The following GPBAR1 variants were observed in gnomAD, a reference collection of about 807,000 sequenced individuals.
The protein encoded by GPBAR1 is G-protein coupled bile acid receptor 1.
GPBAR1 carries 13 observed loss-of-function variants against 13.0 expected under a neutral mutation model. The ratio of observed to expected loss-of-function variants is 1.00; its 90% CI spans 0.65 to 1.59. GPBAR1 has a LOEUF of 1.59. Among genes scored for constraint, GPBAR1 ranks in the 40% most tolerant of loss-of-function variants. The pLI, the probability that GPBAR1 is intolerant of heterozygous loss-of-function variation, is 0.00. For synonymous variants in GPBAR1, 193 were observed against 205.2 expected (o/e 0.94, Z 0.51); for missense variants, 398 against 436.4 (o/e 0.91, Z 0.78).
At position 218,263,073 on chromosome 2, in the gene GPBAR1, C is replaced by A. The variant is rs773111690; in HGVS notation, c.349C>A (p.Pro117Thr). The change falls in exon 2 of 2, where the codon CCA becomes ACA. Residue 117 changes from proline (P) to threonine (T), a missense_variant. By Grantham distance (38) the Pro-to-Thr change is conservative. Coordinates refer to ENST00000519574, the MANE Select transcript of GPBAR1 (RefSeq NM_170699.3). The surrounding 1 kb of genome is among the most constrained non-coding windows in gnomAD (Gnocchi z 4.2). ...HGERYMAVLR[P>T]LQPPGSIRLA... ...GGAGCGCTACATGGCAGTCCTGAGG[C>A]CACTCCAGCCCCCTGGGAGCATTCG... 1 of 1,613,502 alleles carries A rather than the reference C, an allele frequency of 6.2e-7. No homozygotes were observed. The highest frequency in any genetic ancestry group is 8.5e-7 in the Non-Finnish European group (1 of 1,179,854).
chr2:218,262,690 T>G lies in GPBAR1; in HGVS notation c.-35T>G. Reference sequence around the variant, plus strand: ...CACCCCATCCTGCAGGCATGCCGGCTGCCGCTCCAGGACTCCCCTGTCCCC... The same window carrying G: ...CACCCCATCCTGCAGGCATGCCGGCGGCCGCTCCAGGACTCCCCTGTCCCC... On this transcript the variant is annotated 5_prime_UTR_variant, in exon 2 of 2. Transcript: ENST00000519574. This position sits in a 1 kb window ranked among gnomAD's most constrained non-coding sequence, Gnocchi z 5.1. The G allele has an allele frequency of 6.6e-7, 1 of 1,515,882 alleles. No homozygotes were observed. The highest frequency in any genetic ancestry group is 8.8e-7 in the Non-Finnish European group (1 of 1,134,734). 93.9% of individuals were successfully genotyped at this position (1,515,882 alleles called of 1,614,324 possible).
rs1389369951 is a variant in GPBAR1 at position 218,263,487 on chromosome 2, C to CCG, written c.765_766dup (p.Pro256ArgfsTer14). The CCG allele has an allele frequency of 6.2e-7, 1 of 1,610,048 alleles. No homozygotes were observed. Among genetic ancestry groups the CCG allele is most frequent in the Non-Finnish European group, 8.5e-7 (1 of 1,178,886 alleles). On this transcript the variant is annotated frameshift_variant, in exon 2 of 2. Coordinates refer to ENST00000519574, the MANE Select transcript of GPBAR1 (RefSeq NM_170699.3). LOFTEE classifies it high-confidence loss of function. The surrounding 1 kb of genome is among the most constrained non-coding windows in gnomAD (Gnocchi z 4.2). ...CTCAGTCCTGGCCTATGAGCAGCGC[C>CCG]CGCCACTGGGGCCTGGGACACTGTT...
Position 218,262,513 on chromosome 2 carries a change from A to C in GPBAR1, c.-45-167A>C, listed in dbSNP as rs565915956. 1 of 578,524 alleles carries C rather than the reference A, an allele frequency of 1.7e-6. No individual in the cohort carries two copies. The highest frequency in any genetic ancestry group is 3.0e-6 in the Non-Finnish European group (1 of 331,508). 35.8% of individuals were successfully genotyped at this position (578,524 alleles called of 1,614,324 possible). A position where few individuals can be genotyped will look rare whatever the true frequency, so the allele number is the denominator to read the frequency against. ...TGAATTTTCAATAGAAACCAAAGAT[A>C]GTTTTTTATATAAATGTTTAATTGG... On this transcript the variant is annotated intron_variant, in intron 1 of 1. Coordinates refer to ENST00000519574, the MANE Select transcript of GPBAR1 (RefSeq NM_170699.3). This position sits in a 1 kb window ranked among gnomAD's most constrained non-coding sequence, Gnocchi z 5.1.
In GPBAR1 at chr2:218,262,849, ACCG is replaced by A; in HGVS notation, c.131_133del (p.Arg44del). ...CTCCTAGCCCTGGGCATCGCCTGGG[ACCG>A]CCGCCTGCGCAGCCCACCTGCTGGC... is the stretch of plus-strand genomic sequence containing the variant. On this transcript the variant is annotated inframe_deletion, in exon 2 of 2. Coordinates refer to ENST00000519574, the MANE Select transcript of GPBAR1 (RefSeq NM_170699.3). This position sits in a 1 kb window ranked among gnomAD's most constrained non-coding sequence, Gnocchi z 5.1. 1 of 1,613,608 alleles carries A rather than the reference ACCG, an allele frequency of 6.2e-7. No homozygotes were observed. Among genetic ancestry groups the A allele is most frequent in the South Asian group, 1.1e-5 (1 of 91,034 alleles).
chr2:218,263,679 C>A lies in GPBAR1; in HGVS notation c.955C>A (p.Pro319Thr). The A allele has an allele frequency of 9.3e-6, 15 of 1,612,946 alleles. No homozygotes were observed. The highest frequency in any genetic ancestry group is 1.3e-5 in the Non-Finnish European group (15 of 1,179,880). ...DSPGPSIAYH[P>T]SSQSSVDLDL... ...TCCCGGCCCCAGCATTGCCTACCACCCAAGCAGCCAAAGCAGTGTCGACCT... is the reference window on the plus strand; with the variant it reads ...TCCCGGCCCCAGCATTGCCTACCACACAAGCAGCCAAAGCAGTGTCGACCT... Residue 319 changes from proline (P) to threonine (T), a missense_variant, in exon 2 of 2, where the codon CCA (proline) becomes ACA (threonine). By Grantham distance (38) the Pro-to-Thr change is conservative. Coordinates refer to ENST00000519574, the MANE Select transcript of GPBAR1 (RefSeq NM_170699.3). The surrounding 1 kb of genome is among the most constrained non-coding windows in gnomAD (Gnocchi z 4.2).
In GPBAR1 at chr2:218,263,611, A is replaced by G. The variant is rs115448647; in HGVS notation, c.887A>G (p.Gln296Arg). The G allele has an allele frequency of 8.3e-4, 1,344 of 1,612,840 alleles. 9 individuals carry two copies. The African/African-American group carries it at 0.014, about 17-fold the overall frequency. Residue 296 changes from glutamine (Q) to arginine (R), a missense_variant, in exon 2 of 2, where the codon CAA becomes CGA. Transcript: ENST00000519574. The surrounding 1 kb of genome is among the most constrained non-coding windows in gnomAD (Gnocchi z 4.2). ...RYTAPWRAAA[Q>R]RCLQGLWGRA... Reference sequence around the variant, plus strand: ...ACAGCCCCCTGGAGGGCAGCCGCCCAAAGGTGCCTGCAGGGGCTGTGGGGA... The same window carrying G: ...ACAGCCCCCTGGAGGGCAGCCGCCCGAAGGTGCCTGCAGGGGCTGTGGGGA...
At position 218,261,088 on chromosome 2, in the gene GPBAR1, C is replaced by T. The variant is rs557688105; in HGVS notation, c.-174C>T. On this transcript the variant is annotated 5_prime_UTR_variant, in exon 1 of 2. Coordinates refer to ENST00000519574, the MANE Select transcript of GPBAR1 (RefSeq NM_170699.3). ...CCCCACTGGGTGGAGACACCATGCA[C>T]TTGGTCCACTTGTGCTCTTCAGCCA... The T allele has an allele frequency of 5.3e-5, 8 of 152,356 alleles. No individual in the cohort carries two copies. In the East Asian group the frequency reaches 5.8e-4, roughly 11 times the overall value. The allele number at this position is 152,356 out of a possible 1,614,324, so 9.4% of individuals were successfully genotyped here. A position where few individuals can be genotyped will look rare whatever the true frequency, so the allele number is the denominator to read the frequency against.
chr2:218,259,987 A>C (rs535684736), upstream of GPBAR1: 1 of 152,398 alleles, frequency 6.6e-6, no homozygotes, highest in South Asian at 2.1e-4. Flanking sequence ...CCTGTGCAGC[A>C]AGAGTGTCAC....
At position 218,262,738 on chromosome 2, in the gene GPBAR1, G is replaced by A. The variant is rs750336003; in HGVS notation, c.14G>A (p.Ser5Asn). The A allele has an allele frequency of 2.5e-6, 4 of 1,595,312 alleles. No homozygotes were observed. In the South Asian group the frequency reaches 3.4e-5, roughly 13 times the overall value. Reference protein sequence around the residue: MTPNSTGEVPSPIPK... With the variant: MTPNNTGEVPSPIPK... ...CCCAGGACCAAGATGACGCCCAACA[G>A]CACTGGCGAGGTGCCCAGCCCCATT... Residue 5 changes from serine (S) to asparagine (N), a missense_variant, in exon 2 of 2, where the codon AGC becomes AAC. Coordinates refer to ENST00000519574, the MANE Select transcript of GPBAR1 (RefSeq NM_170699.3). The surrounding 1 kb of genome is among the most constrained non-coding windows in gnomAD (Gnocchi z 5.1).
In GPBAR1 at chr2:218,263,727, C is replaced by T. The variant is rs769009500; in HGVS notation, c.*10C>T. On this transcript the variant is annotated 3_prime_UTR_variant, in exon 2 of 2. Coordinates refer to ENST00000519574, the MANE Select transcript of GPBAR1 (RefSeq NM_170699.3). The surrounding 1 kb of genome is among the most constrained non-coding windows in gnomAD (Gnocchi z 4.2). The stretch of plus-strand genomic sequence containing the variant: ...CCTGGACTTGAACTAAAGGAAGGGC[C>T]TCTGCTGACTCCTACCAGAGCATCC... 1.2e-6 allele frequency: 2 copies of T among 1,612,892 alleles called. No homozygotes were observed. The highest frequency in any genetic ancestry group is 3.3e-5 in the Admixed American group (2 of 60,032).
Position 218,262,944 on chromosome 2 carries a change from C to T in GPBAR1, c.220C>T (p.Leu74=), listed in dbSNP as rs777393013. 5.0e-6 allele frequency: 8 copies of T among 1,613,816 alleles called. No homozygotes were observed. In the Admixed American group the frequency reaches 1.0e-4, roughly 20 times the overall value. ...TCTGGCATTGCCCACATTGCCAGGG[C>T]TGTGGAACCAGAGTCGCCGGGGTTA... ...TGLALPTLPG[L]WNQSRRGYWS... The change falls in exon 2 of 2, where the codon CTG becomes TTG. Residue 74 remains leucine (L), a synonymous_variant. Transcript: ENST00000519574. This position sits in a 1 kb window ranked among gnomAD's most constrained non-coding sequence, Gnocchi z 5.1.
chr2:218,261,513 GGCC>G (rs1690413828), intron 1 of GPBAR1, among the ~76,000 whole-genome samples: 1 of 152,184 alleles, frequency 6.6e-6, no homozygotes, highest in Non-Finnish European at 1.5e-5. Flanking sequence ...GAAACTGCAA[GGCC>G]TCTAGAGAGG....
chr2:218,263,525 C>T lies in GPBAR1; in HGVS notation c.801C>T (p.Ser267=), dbSNP rs763742631. 21 of 1,611,850 alleles carry T rather than the reference C, an allele frequency of 1.3e-5. No individual in the cohort carries two copies. Among genetic ancestry groups the T allele is most frequent in the East Asian group, 2.2e-5 (1 of 44,842 alleles). ...CTGGGACACTGTTGTCCCTCCTCTC[C>T]CTAGGAAGTGCCAGTGCAGCGGCAG... ...LGPGTLLSLL[S]LGSASAAAVP... is the part of the protein sequence containing the mutation. Residue 267 remains serine, a synonymous_variant, in exon 2 of 2, where the codon TCC becomes TCT. Coordinates refer to ENST00000519574, the MANE Select transcript of GPBAR1 (RefSeq NM_170699.3). The surrounding 1 kb of genome is among the most constrained non-coding windows in gnomAD (Gnocchi z 4.2).
Position 218,263,748 on chromosome 2 carries a change from C to G in GPBAR1, c.*31C>G. 6.2e-7 allele frequency: 1 copy of G among 1,612,598 alleles called. No homozygotes were observed. The highest frequency in any genetic ancestry group is 8.5e-7 in the Non-Finnish European group (1 of 1,179,588). ...GGGCCTCTGCTGACTCCTACCAGAG[C>G]ATCCGTCCAGCTCAGCCATCCAGCC... is the stretch of plus-strand genomic sequence containing the variant. On this transcript the variant is annotated 3_prime_UTR_variant, in exon 2 of 2. Coordinates refer to ENST00000519574, the MANE Select transcript of GPBAR1 (RefSeq NM_170699.3). This position sits in a 1 kb window ranked among gnomAD's most constrained non-coding sequence, Gnocchi z 4.2.
chr2:218,261,952 G>C (rs1690427490), intron 1 of GPBAR1: 1 of 153,382 alleles, frequency 6.5e-6, no homozygotes, highest in African/African-American at 2.4e-5. Context: ...CCTCTCCTCT[G>C]GGCTCAGCCT....
Position 218,263,699 on chromosome 2 carries a change from C to T in GPBAR1, c.975C>T (p.Val325=), listed in dbSNP as rs202200326. The change falls in exon 2 of 2, where the codon GTC becomes GTT. Residue 325 remains valine (V), a synonymous_variant. Transcript: ENST00000519574. The surrounding 1 kb of genome is among the most constrained non-coding windows in gnomAD (Gnocchi z 4.2). The stretch of plus-strand genomic sequence containing the variant: ...ACCACCCAAGCAGCCAAAGCAGTGT[C>T]GACCTGGACTTGAACTAAAGGAAGG... The part of the protein sequence containing the change: ...IAYHPSSQSS[V]DLDLN 110 of 1,612,948 alleles carry T rather than the reference C, an allele frequency of 6.8e-5. No homozygotes were observed. In the Middle Eastern group the frequency reaches 8.2e-4, roughly 12 times the overall value.
At position 218,263,577 on chromosome 2, in the gene GPBAR1, C is replaced by G. The variant is rs757035127; in HGVS notation, c.853C>G (p.Gln285Glu). The G allele has an allele frequency of 1.2e-6, 2 of 1,612,534 alleles. No individual in the cohort carries two copies. Among genetic ancestry groups the G allele is most frequent in the Non-Finnish European group, 1.7e-6 (2 of 1,179,760 alleles). The change falls in exon 2 of 2, where the codon CAG (glutamine) becomes GAG (glutamate). Residue 285 changes from glutamine to glutamate, a missense_variant. Gln to Glu is a conservative substitution (Grantham distance 29). Transcript: ENST00000519574. This position sits in a 1 kb window ranked among gnomAD's most constrained non-coding sequence, Gnocchi z 4.2. The part of the protein sequence containing the change: ...AVPVAMGLGD[Q>E]RYTAPWRAAA... ...GCCCGTAGCCATGGGGCTGGGCGAT[C>G]AGCGCTACACAGCCCCCTGGAGGGC...
At position 218,262,914 on chromosome 2, in the gene GPBAR1, A is replaced by T; in HGVS notation, c.190A>T (p.Thr64Ser). ...GAGCCTACTGCTGGCTGGGCTGCTC[A>T]CGGGTCTGGCATTGCCCACATTGCC... ...FLSLLLAGLLTGLALPTLPGL... is the reference protein window; with the variant it reads ...FLSLLLAGLLSGLALPTLPGL... The change falls in exon 2 of 2, where the codon ACG becomes TCG. Residue 64 changes from threonine to serine, a missense_variant. Transcript: ENST00000519574. The surrounding 1 kb of genome is among the most constrained non-coding windows in gnomAD (Gnocchi z 5.1). 1 of 1,613,742 alleles carries T rather than the reference A, an allele frequency of 6.2e-7. No homozygotes were observed.
At position 218,263,096 on chromosome 2, in the gene GPBAR1, T is replaced by C. The variant is rs370878053; in HGVS notation, c.372T>C (p.Ile124=). 3.7e-6 allele frequency: 6 copies of C among 1,612,820 alleles called. No individual in the cohort carries two copies. Among genetic ancestry groups the C allele is most frequent in the Non-Finnish European group, 5.1e-6 (6 of 1,179,808 alleles). The part of the protein sequence containing the change: ...VLRPLQPPGS[I]RLALLLTWAG... ...GGCCACTCCAGCCCCCTGGGAGCAT[T>C]CGGCTGGCCCTGCTCCTCACCTGGG... Residue 124 remains isoleucine (I), a synonymous_variant, in exon 2 of 2, where the codon ATT becomes ATC. Transcript: ENST00000519574. The surrounding 1 kb of genome is among the most constrained non-coding windows in gnomAD (Gnocchi z 4.2).
Sources: gnomAD v4.1 joint callset for allele counts (sites outside exome capture counted in the v4.1 genomes callset) on GRCh38, gnomAD v4.1.1 for gene constraint, Gnocchi (gnomAD v3.1) non-coding constraint, MANE v1.5 for transcripts, NCBI Gene and HGNC (gene_info 2026-07-23, HGNC 2026-07-21) for gene names.